TNRC6B: variants seen among roughly 807,000 people sequenced by gnomAD.
TNRC6B encodes trinucleotide repeat-containing gene 6B protein.
TNRC6B carries 52 observed loss-of-function variants against 203.6 expected under a neutral mutation model. The observed-to-expected ratio is 0.26, with a 90% CI of 0.20 to 0.32. TNRC6B has a LOEUF of 0.32. Ranked by LOEUF, TNRC6B falls within the 10% of genes least tolerant of loss-of-function variation. The pLI is 1.00. For missense variants in TNRC6B, 1,923 were observed against 2,286.2 expected (o/e 0.84, Z 3.24); for synonymous variants, 838 against 845.7 (o/e 0.99, Z 0.16).
At chr22:40,106,541 A>G (rs1030638483) in intron 1 of TNRC6B, 13 of 734,854 alleles carry the variant, frequency 1.8e-5, no homozygotes, top group East Asian at 1.3e-4. Flanking sequence ...AGATCGAGCA[A>G]TCAAAGTGTT....
chr22:40,223,434 C>T (rs773035607), intron 1 of TNRC6B, among the ~76,000 whole-genome samples: 7 of 136,694 alleles, frequency 5.1e-5, no homozygotes, highest in Admixed American at 3.8e-4. Flanking sequence ...CCACTGTGCC[C>T]GGCCAGTTTT....
chr22:40,221,586 T>C (rs898058508), intron 1 of TNRC6B, among the ~76,000 whole-genome samples: 1 of 152,056 alleles, frequency 6.6e-6, no homozygotes, highest in Non-Finnish European at 1.5e-5. Flanking sequence ...ACCACAGGTG[T>C]GTGCCACCAT....
intron 4 of TNRC6B, among the ~76,000 whole-genome samples, chr22:40,161,944 G>A (rs1436324002): frequency 1.3e-5 from 2 of 152,148 alleles, no homozygotes; most frequent in Admixed American, 1.3e-4. Flanking sequence ...AAGCAGCTAA[G>A]CAGGTACTTG....
Position 40,265,858 on chromosome 22 carries a change from G to T in TNRC6B, c.1628G>T (p.Gly543Val), listed in dbSNP as rs1249734262. The part of the protein sequence containing the change: ...SSTGAWDNQK[G>V]HPLPENQGNA... Reference sequence around the variant, plus strand: ...ACTGGAGCATGGGACAATCAAAAGGGCCACCCCCTCCCTGAAAACCAAGGC... The same window carrying T: ...ACTGGAGCATGGGACAATCAAAAGGTCCACCCCCTCCCTGAAAACCAAGGC... The change falls in exon 5 of 23, where the codon GGC becomes GTC. Residue 543 changes from glycine to valine, a missense_variant. Around this residue, in one of 8 missense-constraint regions of TNRC6B, gnomAD observed 614 missense variants for 587.7 expected, o/e 1.04. Coordinates refer to ENST00000454349, the MANE Select transcript of TNRC6B (RefSeq NM_001162501.2). 1.2e-6 allele frequency: 2 copies of T among 1,613,964 alleles called. No homozygotes were observed.
At chr22:40,302,735 G>A (rs537902133) in intron 15 of TNRC6B, among the ~76,000 whole-genome samples, 2 of 152,052 alleles carry the variant, frequency 1.3e-5, no homozygotes, top group African/African-American at 4.8e-5. Context: ...CGCCAACCCC[G>A]TGATCCTCCT....
At chr22:40,307,195 A>C (rs965277150) in intron 15 of TNRC6B, among the ~76,000 whole-genome samples, 2 of 152,154 alleles carry the variant, frequency 1.3e-5, no homozygotes, top group Non-Finnish European at 2.9e-5. Context: ...TTATCAAACT[A>C]TCCCAGACAA....
At chr22:40,219,976 A>C (rs1044745708) in intron 1 of TNRC6B, among the ~76,000 whole-genome samples, 26 of 152,286 alleles carry the variant, frequency 1.7e-4, no homozygotes, top group African/African-American at 5.5e-4. Context: ...AAATGAACGC[A>C]TGGGGGAAAA....
At chr22:40,151,482 A>G (rs145241783) in intron 3 of TNRC6B, among the ~76,000 whole-genome samples, 26 of 149,482 alleles carry the variant, frequency 1.7e-4, no homozygotes, top group African/African-American at 5.7e-4. Flanking sequence ...AGAGGTTGCA[A>G]TGAGCTGAGA....
intron 6 of TNRC6B, among the ~76,000 whole-genome samples, chr22:40,270,990 C>A (rs905257487): frequency 6.6e-6 from 1 of 152,218 alleles, no homozygotes; most frequent in Non-Finnish European, 1.5e-5. Flanking sequence ...CTTCATCCTT[C>A]TGCACCTTCC....
chr22:40,178,165 T>A, intron 1 of TNRC6B, 25 bp downstream of exon 1: 1 of 1,613,270 alleles, frequency 6.2e-7, no homozygotes, highest in South Asian at 1.1e-5. Context: ...TCAATTTTTT[T>A]TAACCAATTG....
At chr22:40,256,608 C>G (rs919162745) in intron 3 of TNRC6B, among the ~76,000 whole-genome samples, 1 of 152,210 alleles carries the variant, frequency 6.6e-6, no homozygotes, top group Non-Finnish European at 1.5e-5. Context: ...CACAGCCACA[C>G]TCATATGTTT....
chr22:40,185,818 A>G (rs8142495), intron 1 of TNRC6B, among the ~76,000 whole-genome samples: 103,318 of 152,014 alleles, frequency 0.68, 36,884 homozygotes, highest in African/African-American at 0.91. Flanking sequence ...AGGCAGGCCA[A>G]TTAGGGGATA....
intron 12 of TNRC6B, among the ~76,000 whole-genome samples, chr22:40,299,113 C>G (rs2070985651): frequency 6.7e-6 from 1 of 149,304 alleles, no homozygotes; most frequent in Admixed American, 6.7e-5. Flanking sequence ...CCACTGCATT[C>G]CAGCCTGGGT....
In TNRC6B at chr22:40,335,371, AC is replaced by A. The variant is rs1156496908; in HGVS notation, c.*12131del. 9.9e-5 allele frequency: 15 copies of A among 151,258 alleles called. No individual in the cohort carries two copies. The highest frequency in any genetic ancestry group is 3.1e-4 in the African/African-American group (13 of 41,284). 9.4% of individuals were successfully genotyped at this position (151,258 alleles called of 1,614,324 possible). A position where few individuals can be genotyped will look rare whatever the true frequency, so the allele number is the denominator to read the frequency against. ...TAAAATCACTGGTTCACTTAAAAAA[AC>A]AAACAATAAAATGTTAAACTCTACT... On this transcript the variant is annotated 3_prime_UTR_variant, in exon 23 of 23. Coordinates refer to ENST00000454349, the MANE Select transcript of TNRC6B (RefSeq NM_001162501.2).
intron 1 of TNRC6B, among the ~76,000 whole-genome samples, chr22:40,064,943 A>G (rs2067883434): frequency 6.6e-6 from 1 of 152,058 alleles, no homozygotes; most frequent in African/African-American, 2.4e-5. Context: ...AGATTGCTAT[A>G]TTTAACTTGC....
In TNRC6B at chr22:40,266,427, G is replaced by A; in HGVS notation, c.2197G>A (p.Gly733Arg). 1 of 1,613,980 alleles carries A rather than the reference G, an allele frequency of 6.2e-7. No individual in the cohort carries two copies. The highest frequency in any genetic ancestry group is 8.5e-7 in the Non-Finnish European group (1 of 1,179,878). The change falls in exon 5 of 23, where the codon GGA (glycine) becomes AGA (arginine). Residue 733 changes from glycine (G) to arginine (R), a missense_variant. Transcript: ENST00000454349. Reference sequence around the variant, plus strand: ...GAATCCCAGCAAGGATCAGGGGTGGGGAGGTGGACGCCAGCCCAATCAAGG... The same window carrying A: ...GAATCCCAGCAAGGATCAGGGGTGGAGAGGTGGACGCCAGCCCAATCAAGG... Reference protein sequence around the residue: ...NENPSKDQGWGGGRQPNQGWS... With the variant: ...NENPSKDQGWRGGRQPNQGWS...
At chr22:40,316,606 C>T (rs2071262819) in intron 21 of TNRC6B, among the ~76,000 whole-genome samples, 1 of 152,164 alleles carries the variant, frequency 6.6e-6, no homozygotes, top group African/African-American at 2.4e-5. Context: ...CCAGGTTGGG[C>T]AATAGTGCAA....
chr22:40,094,932 C>G lies in TNRC6B; in HGVS notation c.-120-22123C>G, dbSNP rs547250303. On this transcript the variant is annotated intron_variant, in intron 1 of 23. Transcript: ENST00000301923. ...TGGATGTTGCTCTGTTTTAGTTGGT[C>G]TTATTGCTGATGATACTGCAGTATG... 3.3e-5 allele frequency among the ~76,000 whole-genome samples: 5 copies of G among 152,096 alleles called. No homozygotes were observed. In the South Asian group the frequency reaches 1.0e-3, roughly 32 times the overall value.
chr22:40,091,184 C>A (rs867857320), intron 1 of TNRC6B, among the ~76,000 whole-genome samples: 3 of 151,852 alleles, frequency 2.0e-5, no homozygotes, highest in Non-Finnish European at 4.4e-5. Flanking sequence ...AGGGTTTCAC[C>A]GTGTTAGCCA....
Sources: gnomAD v4.1 joint callset for allele counts (sites outside exome capture counted in the v4.1 genomes callset) on GRCh38, gnomAD v4.1.1 for gene constraint, gnomAD v4.1.1 regional missense constraint, MANE v1.5 for transcripts, NCBI Gene and HGNC (gene_info 2026-07-23, HGNC 2026-07-21) for gene names.